ANKFN1: variants seen among roughly 807,000 people sequenced by gnomAD.
ANKFN1 encodes the protein ankyrin repeat and fibronectin type III domain containing 1, also known as ankyrin repeat and fibronectin type-III domain-containing protein 1.
In ANKFN1, 74 loss-of-function variants were observed where a neutral mutation model predicts 108.7. The ratio of observed to expected loss-of-function variants is 0.68; its 90% CI spans 0.56 to 0.83. The LOEUF (loss-of-function observed/expected upper bound fraction) is 0.83. Among genes scored for constraint, ANKFN1 ranks in the 40% least tolerant of loss-of-function variants. The probability of loss-of-function intolerance (pLI) is 0.00; values close to 1 mark genes in which losing one functional copy is unlikely to be tolerated. For synonymous variants in ANKFN1, 547 were observed against 516.2 expected (o/e 1.06, Z -0.81); for missense variants, 1,505 against 1,382.3 (o/e 1.09, Z -1.41).
At chr17:56,322,315 C>G (rs1310527028) in intron 3 of ANKFN1, among the ~76,000 whole-genome samples, 1 of 152,168 alleles carries the variant, frequency 6.6e-6, no homozygotes, top group Non-Finnish European at 1.5e-5. Context: ...CCTGTAAGTT[C>G]TATCTCCAAA....
chr17:56,089,558 A>G (rs1433910738), intron 4 of ANKFN1, among the ~76,000 whole-genome samples: 1 of 151,506 alleles, frequency 6.6e-6, no homozygotes, highest in East Asian at 1.9e-4. Context: ...ACTGAATAGT[A>G]TCAGTTATTT....
chr17:56,221,078 A>G (rs1378607172), intron 2 of ANKFN1, among the ~76,000 whole-genome samples: 1 of 152,190 alleles, frequency 6.6e-6, no homozygotes, highest in Admixed American at 6.5e-5. Flanking sequence ...TCATGGCAGA[A>G]GGTGAAGGGG....
intron 4 of ANKFN1, among the ~76,000 whole-genome samples, chr17:56,128,472 T>C (rs1907071746): frequency 6.6e-6 from 1 of 152,310 alleles, no homozygotes; most frequent in Middle Eastern, 3.4e-3. Context: ...GAATGTTCTT[T>C]CGTTGAGTAT....
Position 56,513,523 on chromosome 17 carries a change from T to G in ANKFN1, c.*2254T>G, listed in dbSNP as rs1269199792. Among the ~76,000 whole-genome samples the G allele has an allele frequency of 6.6e-6, 1 of 152,188 alleles. No homozygotes were observed. Among genetic ancestry groups the G allele is most frequent in the Non-Finnish European group, 1.5e-5 (1 of 68,034 alleles). On this transcript the variant is annotated 3_prime_UTR_variant, in exon 21 of 21. Coordinates refer to ENST00000682825, the MANE Select transcript of ANKFN1 (RefSeq NM_001370326.1). ...ATGAGATTCTAGGATTGTGAAAAACTAAGAATCCAAGGTATTTCCTGATCC... is the reference window on the plus strand; with the variant it reads ...ATGAGATTCTAGGATTGTGAAAAACGAAGAATCCAAGGTATTTCCTGATCC...
chr17:56,352,234 C>A (rs776998641), intron 5 of ANKFN1, among the ~76,000 whole-genome samples: 1 of 152,172 alleles, frequency 6.6e-6, no homozygotes, highest in African/African-American at 2.4e-5. Flanking sequence ...TTCCCTGGGT[C>A]CCCATTGTCA....
chr17:56,121,282 G>A (rs1040363837), intron 4 of ANKFN1, among the ~76,000 whole-genome samples: 1 of 151,816 alleles, frequency 6.6e-6, no homozygotes, highest in Non-Finnish European at 1.5e-5. Flanking sequence ...ACTCAAAAGC[G>A]ATCATCTTCC....
At chr17:56,235,034 T>C (rs574305845) in intron 3 of ANKFN1, among the ~76,000 whole-genome samples, 2 of 152,312 alleles carry the variant, frequency 1.3e-5, no homozygotes, top group African/African-American at 4.8e-5. Flanking sequence ...TACTTTTTAT[T>C]AACAGCCATT....
chr17:56,170,527 C>T (rs745804137), intron 1 of ANKFN1, among the ~76,000 whole-genome samples: 73 of 151,778 alleles, frequency 4.8e-4, no homozygotes, highest in Admixed American at 8.5e-4. Context: ...CCTTGGGAGG[C>T]CAAGGTGGGT....
At position 56,372,748 on chromosome 17, in the gene ANKFN1, C is replaced by A. The variant is rs780105207; in HGVS notation, c.704C>A (p.Thr235Asn). 6.2e-7 allele frequency: 1 copy of A among 1,613,970 alleles called. No individual in the cohort carries two copies. The highest frequency in any genetic ancestry group is 2.2e-5 in the East Asian group (1 of 44,862). The change falls in exon 7 of 21, where the codon ACT becomes AAT. Residue 235 changes from threonine to asparagine, a missense_variant. Transcript: ENST00000682825. ...LSAQVENEGFTLDNTEKEKQL... is the reference protein window; with the variant it reads ...LSAQVENEGFNLDNTEKEKQL... ...GCCCAGGTGGAGAATGAAGGATTCACTCTGGACAACACAGAGAAAGAGAAG... is the reference window on the plus strand; with the variant it reads ...GCCCAGGTGGAGAATGAAGGATTCAATCTGGACAACACAGAGAAAGAGAAG...
chr17:56,122,800 A>G (rs902456659), intron 4 of ANKFN1, among the ~76,000 whole-genome samples: 7 of 152,240 alleles, frequency 4.6e-5, no homozygotes, highest in Admixed American at 2.6e-4. Context: ...ACTAATGGGC[A>G]CTAAAGCATT....
At chr17:56,455,913 C>A (rs2049677317) in intron 11 of ANKFN1, among the ~76,000 whole-genome samples, 1 of 152,184 alleles carries the variant, frequency 6.6e-6, no homozygotes, top group East Asian at 1.9e-4. Flanking sequence ...GCCTCAGTTT[C>A]TTCTTCTGAA....
chr17:56,423,896 C>T (rs1314354584), intron 8 of ANKFN1, among the ~76,000 whole-genome samples: 2 of 152,154 alleles, frequency 1.3e-5, no homozygotes, highest in Non-Finnish European at 2.9e-5. Flanking sequence ...ATCCCTGTCA[C>T]CCACCAATCT....
intron 4 of ANKFN1, among the ~76,000 whole-genome samples, chr17:56,330,828 T>A (rs971873003): frequency 2.3e-4 from 35 of 152,206 alleles, no homozygotes; most frequent in African/African-American, 8.2e-4. Flanking sequence ...TAATCATCTT[T>A]CTATCCTCTT....
In ANKFN1 at chr17:56,157,347, A is replaced by G. The variant is rs1487365406; in HGVS notation, c.-71+3817A>G. Among the ~76,000 whole-genome samples, 6 of 152,224 alleles carry G rather than the reference A, an allele frequency of 3.9e-5. No homozygotes were observed. The East Asian group carries it at 1.2e-3, about 29-fold the overall frequency. On this transcript the variant is annotated intron_variant, in intron 1 of 20. Coordinates refer to ENST00000682825, the MANE Select transcript of ANKFN1 (RefSeq NM_001370326.1). ...AATGCAGCAGCTTTATCTGACCACCACAACTTGAATGTGCACTGCTGAGTG... is the reference window on the plus strand; with the variant it reads ...AATGCAGCAGCTTTATCTGACCACCGCAACTTGAATGTGCACTGCTGAGTG...
chr17:56,446,394 A>G (rs1345917578), intron 10 of ANKFN1, among the ~76,000 whole-genome samples: 1 of 152,212 alleles, frequency 6.6e-6, no homozygotes, highest in African/African-American at 2.4e-5. Context: ...TTGGGAATCT[A>G]TGACAGCAAC....
chr17:56,273,986 C>T (rs756015466), intron 3 of ANKFN1, among the ~76,000 whole-genome samples: 2 of 152,182 alleles, frequency 1.3e-5, no homozygotes, highest in Non-Finnish European at 2.9e-5. Context: ...TCATCAATGA[C>T]AGGTTCCCCA....
chr17:56,494,958 A>T lies in ANKFN1; in HGVS notation c.2427+2605A>T, dbSNP rs536481996. On this transcript the variant is annotated intron_variant, in intron 19 of 20. Transcript: ENST00000682825. ...TACTACCCTTGCTCCTTTCTTTTTC[A>T]TGTAGCCTAGGGCTCCACTGCCTTT... is the stretch of plus-strand genomic sequence containing the variant. Among the ~76,000 whole-genome samples, 3 of 152,096 alleles carry T rather than the reference A, an allele frequency of 2.0e-5. No homozygotes were observed. The South Asian group carries it at 6.2e-4, about 32-fold the overall frequency.
chr17:56,306,304 A>G (rs763677809), intron 3 of ANKFN1, among the ~76,000 whole-genome samples: 5 of 152,306 alleles, frequency 3.3e-5, no homozygotes, highest in African/African-American at 4.8e-5. Flanking sequence ...ATGTCGTTCT[A>G]TTTATTAAGA....
chr17:56,475,003 G>C (rs949085774), intron 15 of ANKFN1, among the ~76,000 whole-genome samples: 2 of 152,064 alleles, frequency 1.3e-5, no homozygotes, highest in African/African-American at 4.8e-5. Flanking sequence ...GTTTCTCCCA[G>C]TTGTGACCAT....
Sources: allele counts gnomAD v4.1 joint callset (sites outside exome capture counted in the v4.1 genomes callset), GRCh38; gene constraint gnomAD v4.1.1; transcripts MANE v1.5; gene names NCBI Gene and HGNC (gene_info 2026-07-23, HGNC 2026-07-21).